Variants in PRR35 observed in about 807,000 individuals in gnomAD.
PRR35 encodes the protein proline-rich protein 35.
A neutral mutation model predicts 18.6 loss-of-function variants in PRR35; 14 were observed. That is an observed-to-expected ratio of 0.75 (90% CI 0.50 to 1.18). The LOEUF (loss-of-function observed/expected upper bound fraction) is 1.18, where lower values mean the gene tolerates loss of function less well. Ranked by LOEUF, PRR35 falls within the 50% of genes most tolerant of loss-of-function variation. The probability of loss-of-function intolerance (pLI) is 0.00; values close to 1 mark genes in which losing one functional copy is unlikely to be tolerated. For missense variants in PRR35, 832 were observed against 792.2 expected, an observed-to-expected ratio of 1.05 and a Z score of -0.60; for synonymous variants, 425 against 378.2, an observed-to-expected ratio of 1.12 and a Z score of -1.43.
Position 564,132 on chromosome 16 carries a change from A to G in PRR35, c.838A>G (p.Lys280Glu). The G allele has an allele frequency of 6.3e-7, 1 of 1,574,894 alleles. No homozygotes were observed. Among genetic ancestry groups the G allele is most frequent in the Non-Finnish European group, 8.6e-7 (1 of 1,168,622 alleles). Reference sequence around the variant, plus strand: ...GCACACTCTGGGGCTGCCAGCAGGCAAAGCTGCCCTTGCCAAGGCCCCTGT... The same window carrying G: ...GCACACTCTGGGGCTGCCAGCAGGCGAAGCTGCCCTTGCCAAGGCCCCTGT... Reference protein sequence around the residue: ...LEHTLGLPAGKAALAKAPVSP... With the variant: ...LEHTLGLPAGEAALAKAPVSP... The change falls in exon 2 of 3, where the codon AAA (lysine) becomes GAA (glutamate). Residue 280 changes from lysine to glutamate, a missense_variant. By Grantham distance (56) the Lys-to-Glu change is moderately conservative. Coordinates refer to ENST00000409413, the MANE Select transcript of PRR35 (RefSeq NM_145270.3).
In PRR35 at chr16:563,730, A is replaced by G; in HGVS notation, c.436A>G (p.Arg146Gly). Residue 146 changes from arginine (R) to glycine (G), a missense_variant, in exon 2 of 3, where the codon AGG becomes GGG. By Grantham distance (125) the Arg-to-Gly change is moderately radical. Transcript: ENST00000409413. The stretch of plus-strand genomic sequence containing the variant: ...CCCAGGGCCACCACCCCCTGTGGCT[A>G]GGGCCACCCGGAAGGGTCCCGGCCC... ...GSPGPPPPVA[R>G]ATRKGPGPSG... 6.5e-7 allele frequency: 1 copy of G among 1,531,398 alleles called. No homozygotes were observed. The highest frequency in any genetic ancestry group is 8.8e-7 in the Non-Finnish European group (1 of 1,142,506). The allele number at this position is 1,531,398 out of a possible 1,614,324, so 94.9% of individuals were successfully genotyped here. A position where few individuals can be genotyped will look rare whatever the true frequency, so the allele number is the denominator to read the frequency against.
chr16:561,100 A>G lies in PRR35; in HGVS notation c.-40+439A>G, dbSNP rs1287255121. ...GGGGCCGGGTGTCGGGGCCTGGCAC[A>G]GGGCTGCTGGCTGCCCCGGGAGCGA... On this transcript the variant is annotated intron_variant, in intron 1 of 2. Coordinates refer to ENST00000409413, the MANE Select transcript of PRR35 (RefSeq NM_145270.3). Among the ~76,000 whole-genome samples, 3 of 152,056 alleles carry G rather than the reference A, an allele frequency of 2.0e-5. No homozygotes were observed. In the East Asian group the frequency reaches 5.8e-4, roughly 29 times the overall value.
chr16:563,186 A>G, intron 1 of PRR35, 70 bp from the exon 2 acceptor site: 1 of 1,363,254 alleles, frequency 7.3e-7, no homozygotes, highest in Non-Finnish European at 9.7e-7. Flanking sequence ...GAGCCTGGGG[A>G]GCCATGGATG....
chr16:561,872 G>C, intron 1 of PRR35: 1 of 704,598 alleles, frequency 1.4e-6, no homozygotes, highest in Non-Finnish European at 1.7e-6. Context: ...GGTTTGGAAA[G>C]CCCCCCCACA....
rs2035520328 is a variant in PRR35 at position 565,291 on chromosome 16, A to G, written c.1700A>G (p.Gln567Arg). Residue 567 changes from glutamine (Q) to arginine (R), a missense_variant, in exon 3 of 3, where the codon CAG becomes CGG. Physicochemically the swap from Gln to Arg is conservative, Grantham distance 43. This residue lies in a region of PRR35 where 768 missense variants were observed against 704.1 expected (regional missense o/e 1.09). Coordinates refer to ENST00000409413, the MANE Select transcript of PRR35 (RefSeq NM_145270.3). ...PEAVCGLQSP[Q>R]GAEV is the part of the protein sequence containing the mutation. The stretch of plus-strand genomic sequence containing the variant: ...GCTGTCTGTGGCCTGCAGAGCCCCC[A>G]GGGCGCCGAGGTCTGACCTGCAGCG... 2.0e-6 allele frequency: 3 copies of G among 1,518,938 alleles called. No homozygotes were observed. Among genetic ancestry groups the G allele is most frequent in the Non-Finnish European group, 2.6e-6 (3 of 1,132,984 alleles). The allele number at this position is 1,518,938 out of a possible 1,614,324, so 94.1% of individuals were successfully genotyped here. A position where few individuals can be genotyped will look rare whatever the true frequency, so the allele number is the denominator to read the frequency against.
Position 564,735 on chromosome 16 carries a change from A to C in PRR35, c.1144A>C (p.Thr382Pro). 1 of 1,532,024 alleles carries C rather than the reference A, an allele frequency of 6.5e-7. No individual in the cohort carries two copies. The highest frequency in any genetic ancestry group is 8.7e-7 in the Non-Finnish European group (1 of 1,145,850). The allele number at this position is 1,532,024 out of a possible 1,614,324, so 94.9% of individuals were successfully genotyped here. ...PEDGDPGGPE[T>P]PGPEGPLPLQ... ...GGACGGGGATCCAGGCGGCCCTGAG[A>C]CCCCCGGCCCTGAGGGCCCCCTCCC... Residue 382 changes from threonine (T) to proline (P), a missense_variant, in exon 3 of 3, where the codon ACC becomes CCC. Physicochemically the swap from Thr to Pro is conservative, Grantham distance 38. Around this residue, in one of 3 missense-constraint regions of PRR35, gnomAD observed 768 missense variants for 704.1 expected, o/e 1.09. Coordinates refer to ENST00000409413, the MANE Select transcript of PRR35 (RefSeq NM_145270.3).
In PRR35 at chr16:563,676, G is replaced by A. The variant is rs777893808; in HGVS notation, c.382G>A (p.Gly128Arg). The change falls in exon 2 of 3, where the codon GGA (glycine) becomes AGA (arginine). Residue 128 changes from glycine to arginine, a missense_variant. Gly to Arg is a moderately radical substitution (Grantham distance 125). This residue lies in a region of PRR35 where 768 missense variants were observed against 704.1 expected (regional missense o/e 1.09). Coordinates refer to ENST00000409413, the MANE Select transcript of PRR35 (RefSeq NM_145270.3). Reference protein sequence around the residue: ...VADIHSLHCGGGPKSRAKGSP... With the variant: ...VADIHSLHCGRGPKSRAKGSP... Reference sequence around the variant, plus strand: ...CGACATCCACTCCCTGCACTGTGGCGGAGGCCCCAAGTCCAGGGCCAAGGG... The same window carrying A: ...CGACATCCACTCCCTGCACTGTGGCAGAGGCCCCAAGTCCAGGGCCAAGGG... 1.3e-5 allele frequency: 21 copies of A among 1,568,414 alleles called. No homozygotes were observed. The highest frequency in any genetic ancestry group is 7.2e-5 in the Admixed American group (4 of 55,520).
At chr16:562,621 ACG>A (rs1453573911) in intron 1 of PRR35, among the ~76,000 whole-genome samples, 6 of 150,582 alleles carry the variant, frequency 4.0e-5, no homozygotes, top group Non-Finnish European at 8.9e-5. Flanking sequence ...ACACACACAC[ACG>A]CAGCATCATC....
rs761527730 is a variant in PRR35, at chr16:564,846, G to A, written c.1255G>A (p.Glu419Lys). The change falls in exon 3 of 3, where the codon GAG becomes AAG. Residue 419 changes from glutamate (E) to lysine (K), a missense_variant. By Grantham distance (56) the Glu-to-Lys change is moderately conservative. Around this residue, in one of 3 missense-constraint regions of PRR35, gnomAD observed 768 missense variants for 704.1 expected, o/e 1.09. Transcript: ENST00000409413. ...AGCCCTCGGTGACTACGCCAGGGTG[G>A]AGCAGCGCCTGGGACAGTTGGGGCC... is the stretch of plus-strand genomic sequence containing the variant. ...TRALGDYARV[E>K]QRLGQLGPAG... 16 of 1,560,404 alleles carry A rather than the reference G, an allele frequency of 1.0e-5. No homozygotes were observed. Among genetic ancestry groups the A allele is most frequent in the Non-Finnish European group, 1.4e-5 (16 of 1,156,818 alleles).
chr16:561,694 C>T (rs138450392), intron 1 of PRR35: 65 of 979,054 alleles, frequency 6.6e-5, no homozygotes, highest in Non-Finnish European at 7.3e-5. Flanking sequence ...GTCCCCCCAA[C>T]GGCACCAACA....
At chr16:564,607 GGA>G (rs1465651374) in intron 2 of PRR35, 65 bp from the exon 3 acceptor site, 1 of 1,449,890 alleles carries the variant, frequency 6.9e-7, no homozygotes, top group Non-Finnish European at 9.1e-7. Context: ...GGCCGTGAGG[GGA>G]GAGGGGCAGG....
rs200698934 is a variant in PRR35, at chr16:563,343, C to T, written c.49C>T (p.Arg17Trp). ...SCRVGTGARARSRKPKKPHYI... is the reference protein window; with the variant it reads ...SCRVGTGARAWSRKPKKPHYI... ...CCGCGTGGGCACAGGGGCGAGGGCG[C>T]GGTCTCGGAAGCCCAAGAAGCCACA... The change falls in exon 2 of 3, where the codon CGG (arginine) becomes TGG (tryptophan). Residue 17 changes from arginine to tryptophan, a missense_variant. Arg to Trp is a moderately radical substitution (Grantham distance 101, BLOSUM62 -3). This residue lies in a region of PRR35 where 56 missense variants were observed against 64.8 expected (regional missense o/e 0.86). Coordinates refer to ENST00000409413, the MANE Select transcript of PRR35 (RefSeq NM_145270.3). 82 of 1,611,782 alleles carry T rather than the reference C, an allele frequency of 5.1e-5. No homozygotes were observed. In the East Asian group the frequency reaches 1.2e-3, roughly 24 times the overall value.
chr16:560,719 G>T, intron 1 of PRR35, 58 bp downstream of exon 1: 1 of 967,412 alleles, frequency 1.0e-6, no homozygotes, highest in Non-Finnish European at 1.2e-6. Context: ...CCGGCTGGAC[G>T]CGGGGCGCGG....
chr16:562,560 C>T (rs550369868), intron 1 of PRR35, among the ~76,000 whole-genome samples: 1 of 151,384 alleles, frequency 6.6e-6, no homozygotes, highest in African/African-American at 2.4e-5. Flanking sequence ...TGCACGCACA[C>T]ACACGTGCAT....
rs1224754143 is a variant in PRR35, at chr16:565,073, CG to C, written c.1487del (p.Gly496AlafsTer145). The C allele has an allele frequency of 1.3e-6, 2 of 1,592,380 alleles. No homozygotes were observed. The highest frequency in any genetic ancestry group is 1.7e-6 in the Non-Finnish European group (2 of 1,169,292). On this transcript the variant is annotated frameshift_variant, in exon 3 of 3. Transcript: ENST00000409413. LOFTEE classifies it low-confidence loss of function (END_TRUNC). ...GGCCCGAGCTGGGTCCCGTGTTGAC[CG>C]GGGGCACCCCCGAGCCACCCGGCAT... is the stretch of plus-strand genomic sequence containing the variant. ...GRPELGPVLT[G>X]GTPEPPGMLG...
chr16:561,749 G>A (rs1234586581), intron 1 of PRR35: 1 of 985,452 alleles, frequency 1.0e-6, no homozygotes, highest in Non-Finnish European at 1.2e-6. Context: ...GCCCTACCCT[G>A]CTCAACCCAC....
At chr16:564,589 AG>A in intron 2 of PRR35, 84 bp from the exon 3 acceptor site, 5 of 1,421,148 alleles carry the variant, frequency 3.5e-6, no homozygotes, top group Non-Finnish European at 4.6e-6. Flanking sequence ...CTGGGGCCAC[AG>A]GGCAGAGGCC....
intron 2 of PRR35, 30 bp downstream of exon 2, chr16:564,406 G>C: frequency 6.3e-7 from 1 of 1,587,188 alleles, no homozygotes; most frequent in Non-Finnish European, 8.5e-7. Context: ...GGTTCCTGGG[G>C]TGGACGGAGG....
At position 564,270 on chromosome 16, in the gene PRR35, C is replaced by T; in HGVS notation, c.976C>T (p.Leu326=). The T allele has an allele frequency of 6.3e-7, 1 of 1,577,056 alleles. No individual in the cohort carries two copies. Among genetic ancestry groups the T allele is most frequent in the South Asian group, 1.1e-5 (1 of 87,188 alleles). ...CAGGGACCCAGGGCAGGAGGGGGAG[C>T]TGGAGCGGGCAGCCCAGAGTGACCC... ...TPRDPGQEGE[L]ERAAQSDPRR... The change falls in exon 2 of 3, where the codon CTG becomes TTG. Residue 326 remains leucine (L), a synonymous_variant. Transcript: ENST00000409413.
Sources: gnomAD v4.1 joint callset for allele counts (sites outside exome capture counted in the v4.1 genomes callset) on GRCh38, gnomAD v4.1.1 for gene constraint, gnomAD v4.1.1 regional missense constraint, MANE v1.5 for transcripts, NCBI Gene and HGNC (gene_info 2026-07-23, HGNC 2026-07-21) for gene names.